ARHGAP40: variants seen among roughly 807,000 people sequenced by gnomAD.
The protein encoded by ARHGAP40 is Rho GTPase activating protein 40.
ARHGAP40 carries 43 observed loss-of-function variants against 73.5 expected under a neutral mutation model. That is an observed-to-expected ratio of 0.58 (90% confidence interval 0.46 to 0.75). The LOEUF (loss-of-function observed/expected upper bound fraction) is 0.75, where lower values mean the gene tolerates loss of function less well. Ranked by LOEUF, ARHGAP40 falls within the 30% of genes least tolerant of loss-of-function variation. The pLI, the probability that ARHGAP40 is intolerant of heterozygous loss-of-function variation, is 0.00. For synonymous variants in ARHGAP40, 300 were observed against 352.8 expected (o/e 0.85, Z 1.68); for missense variants, 734 against 861.8 (o/e 0.85, Z 1.86).
intron 13 of ARHGAP40, among the ~76,000 whole-genome samples, chr20:38,647,977 A>C (rs551814803): frequency 1.1e-4 from 16 of 152,200 alleles, no homozygotes; most frequent in Non-Finnish European, 2.4e-4. Flanking sequence ...GATCTGGAAG[A>C]AGGTCGGGGG....
At chr20:38,615,001 C>T (rs1334440758) in intron 1 of ARHGAP40, 8 of 1,193,266 alleles carry the variant, frequency 6.7e-6, no homozygotes, top group Admixed American at 3.4e-5. Flanking sequence ...AGGAAAGTCC[C>T]GCTGGGGTTG....
Position 38,639,101 on chromosome 20 carries a change from C to T in ARHGAP40, c.1120-126C>T, listed in dbSNP as rs541371657. 1.8e-5 allele frequency: 18 copies of T among 1,028,522 alleles called. No homozygotes were observed. In the African/African-American group the frequency reaches 3.0e-4, roughly 17 times the overall value. 63.7% of individuals were successfully genotyped at this position (1,028,522 alleles called of 1,614,324 possible). A position where few individuals can be genotyped will look rare whatever the true frequency, so the allele number is the denominator to read the frequency against. ...TAGACCATTTCGTCCTTACTTCAAC[C>T]CCACGAGGGAGGTGCTCTTGTTGTC... On this transcript the variant is annotated intron_variant, in intron 8 of 14. Transcript: ENST00000373345.
chr20:38,629,660 C>T lies in ARHGAP40; in HGVS notation c.783+10C>T, dbSNP rs1446827176. ...CAAGTGTTCCCTGCCGGTGAGGATG[C>T]TGTCCACAGGGCTGGTTGGCTAGGT... On this transcript the variant is annotated intron_variant, in intron 5 of 14. Transcript: ENST00000373345. 7.7e-7 allele frequency: 1 copy of T among 1,305,040 alleles called. No homozygotes were observed. The highest frequency in any genetic ancestry group is 5.5e-5 in the East Asian group (1 of 18,024). 80.8% of individuals were successfully genotyped at this position (1,305,040 alleles called of 1,614,324 possible). A position where few individuals can be genotyped will look rare whatever the true frequency, so the allele number is the denominator to read the frequency against.
exon 15 of ARHGAP40, chr20:38,650,594 T>C: frequency 2.1e-6 from 1 of 469,408 alleles, no homozygotes; most frequent in South Asian, 1.6e-5. Flanking sequence ...CATTTTGTAA[T>C]ATGATATAAT....
intron 9 of ARHGAP40, among the ~76,000 whole-genome samples, chr20:38,639,755 T>C (rs954301622): frequency 1.3e-5 from 2 of 152,248 alleles, no homozygotes; most frequent in African/African-American, 4.8e-5. Flanking sequence ...TGGGCACACA[T>C]GTGTGTGCAT....
Position 38,623,354 on chromosome 20 carries a change from T to C in ARHGAP40, c.138-5T>C. On this transcript the variant is annotated splice_polypyrimidine_tract_variant and splice_region_variant and intron_variant, in intron 1 of 14. Transcript: ENST00000373345. The stretch of plus-strand genomic sequence containing the variant: ...ACCTCCCTGCACCTTCCCCACTTGC[T>C]ACAGCTCTGGCCCCTCCTCAGGCCG... 1.6e-6 allele frequency: 2 copies of C among 1,286,230 alleles called. No individual in the cohort carries two copies. Among genetic ancestry groups the C allele is most frequent in the Non-Finnish European group, 2.0e-6 (2 of 986,328 alleles). The allele number at this position is 1,286,230 out of a possible 1,614,324, so 79.7% of individuals were successfully genotyped here.
chr20:38,623,236 C>A, intron 1 of ARHGAP40, 123 bp from the exon 2 acceptor site: 1 of 671,430 alleles, frequency 1.5e-6, no homozygotes, highest in Non-Finnish European at 2.1e-6. Flanking sequence ...GAGAAACATG[C>A]CTAGGAAGCT....
chr20:38,643,108 T>C (rs1482156107), intron 10 of ARHGAP40, among the ~76,000 whole-genome samples: 2 of 150,112 alleles, frequency 1.3e-5, no homozygotes, highest in African/African-American at 4.9e-5. Context: ...ATCACACCAC[T>C]GCATTCCAGC....
At chr20:38,627,352 A>G (rs116481088) in intron 3 of ARHGAP40, 137 bp downstream of exon 3, 264 of 650,524 alleles carry the variant, frequency 4.1e-4, no homozygotes, top group Middle Eastern at 6.1e-4. Context: ...GGGTGTTGGT[A>G]TGTGTGTTGG....
chr20:38,637,848 G>T, intron 7 of ARHGAP40, 49 bp downstream of exon 7: 1 of 1,265,672 alleles, frequency 7.9e-7, no homozygotes. Context: ...TTCAGAGGCT[G>T]GCTCAGGGGA....
chr20:38,616,935 CTTTATTTA>C (rs3064344), intron 1 of ARHGAP40, among the ~76,000 whole-genome samples: 6 of 149,876 alleles, frequency 4.0e-5, no homozygotes, highest in Non-Finnish European at 5.9e-5. Flanking sequence ...GCTTGAGGAA[CTTTATTTA>C]TTTATTTATT....
chr20:38,609,203 A>G (rs2088790892), intron 1 of ARHGAP40, among the ~76,000 whole-genome samples: 1 of 152,020 alleles, frequency 6.6e-6, no homozygotes. Flanking sequence ...TTGCTTTTCC[A>G]AACTTCAGTC....
At chr20:38,618,123 G>C (rs1160943562) in intron 1 of ARHGAP40, among the ~76,000 whole-genome samples, 1 of 149,602 alleles carries the variant, frequency 6.7e-6, no homozygotes, top group East Asian at 2.0e-4. Flanking sequence ...TTTCTGAGAC[G>C]GAGTCTCACA....
intron 3 of ARHGAP40, 27 bp downstream of exon 3, chr20:38,627,242 C>A (rs1451652931): frequency 7.7e-7 from 1 of 1,297,654 alleles, no homozygotes; most frequent in African/African-American, 1.5e-5. Flanking sequence ...TCATTGCAGG[C>A]CCCGTCTGAC....
rs768074981 is a variant in ARHGAP40, at chr20:38,634,603, T to C, written c.784-17T>C. 1.0e-5 allele frequency: 13 copies of C among 1,305,250 alleles called. No homozygotes were observed. In the South Asian group the frequency reaches 1.6e-4, roughly 16 times the overall value. 80.9% of individuals were successfully genotyped at this position (1,305,250 alleles called of 1,614,324 possible). The stretch of plus-strand genomic sequence containing the variant: ...CATAGCCTGACAAATTGTCTTTACT[T>C]CCCTCTCTATTAATAGAAGTTTACC... On this transcript the variant is annotated splice_polypyrimidine_tract_variant and intron_variant, in intron 5 of 14. Transcript: ENST00000373345.
At chr20:38,634,467 G>A (rs985390749) in intron 5 of ARHGAP40, among the ~76,000 whole-genome samples, 153 bp from the exon 6 acceptor site, 2 of 152,236 alleles carry the variant, frequency 1.3e-5, no homozygotes, top group African/African-American at 4.8e-5. Context: ...GTGGAGCTTG[G>A]ACTTGACTTG....
chr20:38,639,819 A>G (rs1239521441), intron 9 of ARHGAP40, among the ~76,000 whole-genome samples: 2 of 152,210 alleles, frequency 1.3e-5, no homozygotes, highest in East Asian at 1.9e-4. Flanking sequence ...ACCTTGCTGT[A>G]TGTATAGTCT....
chr20:38,603,402 T>C (rs1384188030), intron 1 of ARHGAP40, among the ~76,000 whole-genome samples: 5 of 143,840 alleles, frequency 3.5e-5, no homozygotes, highest in Non-Finnish European at 6.0e-5. Flanking sequence ...CAAGTTTGTT[T>C]ATCTGTCTAT....
intron 1 of ARHGAP40, chr20:38,614,901 C>G (rs1365647587): frequency 3.0e-6 from 4 of 1,340,272 alleles, no homozygotes; most frequent in South Asian, 2.3e-5. Flanking sequence ...GCTGCCTGCA[C>G]CAGGCCTTTC....
Sources: allele counts gnomAD v4.1 joint callset (sites outside exome capture counted in the v4.1 genomes callset), GRCh38; gene constraint gnomAD v4.1.1; transcripts MANE v1.5; gene names NCBI Gene and HGNC (gene_info 2026-07-23, HGNC 2026-07-21).